ZNF485: variants seen among roughly 807,000 people sequenced by gnomAD.
The protein encoded by ZNF485 is Zinc finger protein 93 (Zinc finger protein HTF34).
In ZNF485, 9 loss-of-function variants were observed where a neutral mutation model predicts 10.8. That is an observed-to-expected ratio of 0.83 (90% CI 0.50 to 1.45). ZNF485 has a LOEUF of 1.45. Ranked by LOEUF, ZNF485 falls within the 40% of genes most tolerant of loss-of-function variation. The probability of loss-of-function intolerance (pLI) is 0.00; values close to 1 mark genes in which losing one functional copy is unlikely to be tolerated. For missense variants in ZNF485, 487 were observed against 528.0 expected, an observed-to-expected ratio of 0.92 and a Z score of 0.76; for synonymous variants, 187 against 181.0, an observed-to-expected ratio of 1.03 and a Z score of -0.27.
At chr10:43,615,660 C>T (rs146319589) in intron 4 of ZNF485, among the ~76,000 whole-genome samples, 3,993 of 152,252 alleles carry the variant, frequency 0.026, 185 homozygotes, top group African/African-American at 0.092. Context: ...TCTCGGCCTC[C>T]CAAAGTGCTG....
rs568535663 is a variant in ZNF485, at chr10:43,612,907, A to G, written c.248-3384A>G. ...AAACATTTTAGTTATTCATTCATTG[A>G]TTTTTCTTCTTTCTTACTGATGTAA... is the stretch of plus-strand genomic sequence containing the variant. On this transcript the variant is annotated intron_variant, in intron 4 of 4. Transcript: ENST00000361807. 1.1e-4 allele frequency among the ~76,000 whole-genome samples: 17 copies of G among 151,794 alleles called. No homozygotes were observed. The South Asian group carries it at 3.6e-3, about 32-fold the overall frequency.
intron 2 of ZNF485, among the ~76,000 whole-genome samples, chr10:43,607,888 G>A (rs183362566): frequency 6.6e-6 from 1 of 152,256 alleles, no homozygotes; most frequent in East Asian, 1.9e-4. Flanking sequence ...GGGACCTTGA[G>A]CAAGTTCTTC....
Position 43,606,997 on chromosome 10 carries a change from A to G in ZNF485, c.-54A>G. The G allele has an allele frequency of 1.9e-6, 3 of 1,550,932 alleles. No individual in the cohort carries two copies. Among genetic ancestry groups the G allele is most frequent in the Non-Finnish European group, 2.6e-6 (3 of 1,146,302 alleles). ...CTCAATTTCCTCTCTTCTTTCCCAG[A>G]TTGACTTACGCAGGATTCTCAGCCC... On this transcript the variant is annotated splice_region_variant and 5_prime_UTR_variant, in exon 2 of 5. Coordinates refer to ENST00000361807, the MANE Select transcript of ZNF485 (RefSeq NM_145312.4).
chr10:43,608,757 C>G lies in ZNF485; in HGVS notation c.151+17C>G. 1.9e-6 allele frequency: 3 copies of G among 1,612,884 alleles called. No homozygotes were observed. Among genetic ancestry groups the G allele is most frequent in the Non-Finnish European group, 2.5e-6 (3 of 1,179,326 alleles). On this transcript the variant is annotated intron_variant, in intron 3 of 4. Transcript: ENST00000361807. ...TGTCTGTGGGTGAGGATGGCTTTCT[C>G]CTTGACTCAGGATTGGTCTGCTGGG...
At position 43,617,250 on chromosome 10, in the gene ZNF485, C is replaced by A; in HGVS notation, c.1207C>A (p.Leu403Ile). The A allele has an allele frequency of 6.2e-7, 1 of 1,613,964 alleles. No homozygotes were observed. Among genetic ancestry groups the A allele is most frequent in the Non-Finnish European group, 8.5e-7 (1 of 1,179,954 alleles). ...HSSGLVEHQR[L>I]HTGEKPYKCN... Reference sequence around the variant, plus strand: ...CTCAGGCCTTGTTGAACATCAGAGACTCCATACTGGGGAAAAACCTTATAA... The same window carrying A: ...CTCAGGCCTTGTTGAACATCAGAGAATCCATACTGGGGAAAAACCTTATAA... The change falls in exon 5 of 5, where the codon CTC (leucine) becomes ATC (isoleucine). Residue 403 changes from leucine (L) to isoleucine (I), a missense_variant. By Grantham distance (5) the Leu-to-Ile change is conservative (BLOSUM62 2). Transcript: ENST00000361807.
chr10:43,612,417 A>T (rs904642636), intron 4 of ZNF485, among the ~76,000 whole-genome samples: 4 of 152,058 alleles, frequency 2.6e-5, no homozygotes, highest in Non-Finnish European at 5.9e-5. Context: ...CCTTTAGTCT[A>T]GTTTAACTCA....
rs771017842 is a variant in ZNF485, at chr10:43,617,356, T to A, written c.1313T>A (p.Met438Lys). Residue 438 changes from methionine to lysine, a missense_variant, in exon 5 of 5, where the codon ATG becomes AAG. Transcript: ENST00000361807. Reference protein sequence around the residue: ...HKKIHNKERAMKCS With the variant: ...HKKIHNKERAKKCS The stretch of plus-strand genomic sequence containing the variant: ...AAAATTCATAATAAAGAAAGAGCCA[T>A]GAAATGTAGTTAGTGTGGCAAATTG... 1.2e-5 allele frequency: 19 copies of A among 1,551,066 alleles called. No homozygotes were observed. The highest frequency in any genetic ancestry group is 1.6e-5 in the Non-Finnish European group (19 of 1,153,928).
intron 4 of ZNF485, 32 bp from the exon 5 acceptor site, chr10:43,616,259 A>C (rs1838853218): frequency 6.7e-7 from 1 of 1,497,588 alleles, no homozygotes; most frequent in Non-Finnish European, 9.0e-7. Flanking sequence ...TTCAACATAA[A>C]GAACATTTGA....
At chr10:43,613,155 G>C (rs1417659923) in intron 4 of ZNF485, among the ~76,000 whole-genome samples, 1 of 152,122 alleles carries the variant, frequency 6.6e-6, no homozygotes, top group Non-Finnish European at 1.5e-5. Flanking sequence ...TATGTATACA[G>C]CCTAAATTAG....
Position 43,617,209 on chromosome 10 carries a change from A to G in ZNF485, c.1166A>G (p.Lys389Arg), listed in dbSNP as rs778672828. ...CCCTATCACTGTAAGAAATGTGGGA[A>G]AGCCTTTCGGCACAGCTCAGGCCTT... Reference protein sequence around the residue: ...EKPYHCKKCGKAFRHSSGLVE... With the variant: ...EKPYHCKKCGRAFRHSSGLVE... The change falls in exon 5 of 5, where the codon AAA (lysine) becomes AGA (arginine). Residue 389 changes from lysine (K) to arginine (R), a missense_variant. By Grantham distance (26) the Lys-to-Arg change is conservative (BLOSUM62 2). Transcript: ENST00000361807. 1.2e-6 allele frequency: 2 copies of G among 1,614,228 alleles called. No homozygotes were observed. The highest frequency in any genetic ancestry group is 4.5e-5 in the East Asian group (2 of 44,890).
At chr10:43,609,416 G>T in intron 4 of ZNF485, 66 bp downstream of exon 4, 1 of 1,286,150 alleles carries the variant, frequency 7.8e-7, no homozygotes, top group Non-Finnish European at 1.1e-6. Context: ...TTCCTGAGTG[G>T]AAGCTCATCT....
chr10:43,607,582 G>C (rs1838677599), intron 2 of ZNF485, among the ~76,000 whole-genome samples: 1 of 152,152 alleles, frequency 6.6e-6, no homozygotes, highest in Non-Finnish European at 1.5e-5. Flanking sequence ...ACTGGAGTTT[G>C]CTTTTATCCT....
At position 43,617,614 on chromosome 10, in the gene ZNF485, C is replaced by G. The variant is rs937293430; in HGVS notation, c.*245C>G. 33 of 356,380 alleles carry G rather than the reference C, an allele frequency of 9.3e-5. No homozygotes were observed. The highest frequency in any genetic ancestry group is 1.4e-4 in the Non-Finnish European group (28 of 197,436). The allele number at this position is 356,380 out of a possible 1,614,324, so 22.1% of individuals were successfully genotyped here. ...GTGGAGCTGTAAATACTGTACAAAG[C>G]CAGGCATGGTGGCATATGCCTGTAG... On this transcript the variant is annotated 3_prime_UTR_variant, in exon 5 of 5. Transcript: ENST00000361807.
intron 2 of ZNF485, 162 bp downstream of exon 2, chr10:43,607,236 A>G: frequency 2.6e-6 from 2 of 773,418 alleles, no homozygotes; most frequent in Admixed American, 2.3e-5. Flanking sequence ...TTACGTAGTC[A>G]TTCACCAAGT....
chr10:43,608,861 T>TTAAG lies in ZNF485; in HGVS notation c.151+124_151+127dup. On this transcript the variant is annotated intron_variant, in intron 3 of 4. Coordinates refer to ENST00000361807, the MANE Select transcript of ZNF485 (RefSeq NM_145312.4). ...TGATGTGCTTTTTGTTTTGTTTTTC[T>TTAAG]TAAGTATGGGCTTAGAGGCTGGAGT... The TTAAG allele has an allele frequency of 4.4e-6, 6 of 1,364,498 alleles. No homozygotes were observed. In the South Asian group the frequency reaches 8.5e-5, roughly 19 times the overall value. 84.5% of individuals were successfully genotyped at this position (1,364,498 alleles called of 1,614,324 possible).
At chr10:43,613,117 T>G (rs76872550) in intron 4 of ZNF485, among the ~76,000 whole-genome samples, 7,207 of 152,258 alleles carry the variant, frequency 0.047, 202 homozygotes, top group Non-Finnish European at 0.055. Context: ...TTAAAAAAAT[T>G]AACACATATA....
intron 4 of ZNF485, among the ~76,000 whole-genome samples, 167 bp from the exon 5 acceptor site, chr10:43,616,124 C>T (rs996575271): frequency 2.6e-5 from 4 of 152,160 alleles, no homozygotes; most frequent in Non-Finnish European, 5.9e-5. Flanking sequence ...CCTTTTCCTG[C>T]CCTTAGTCTG....
chr10:43,607,374 T>C, intron 2 of ZNF485: 2 of 516,152 alleles, frequency 3.9e-6, no homozygotes, highest in Non-Finnish European at 7.0e-6. Context: ...GTGATAGCAG[T>C]GCTCTCTTGA....
intron 4 of ZNF485, among the ~76,000 whole-genome samples, chr10:43,616,071 T>C (rs1211898714): frequency 6.6e-6 from 1 of 152,218 alleles, no homozygotes; most frequent in African/African-American, 2.4e-5. Context: ...TTAAATGCAA[T>C]GTTTATAGTA....
Sources: allele counts gnomAD v4.1 joint callset (sites outside exome capture counted in the v4.1 genomes callset), GRCh38; gene constraint gnomAD v4.1.1; transcripts MANE v1.5; gene names NCBI Gene and HGNC (gene_info 2026-07-23, HGNC 2026-07-21).